MAPK10: variants seen among roughly 807,000 people sequenced by gnomAD.
MAPK10 encodes the protein JNK3 alpha protein kinase.
A neutral mutation model predicts 59.3 loss-of-function variants in MAPK10; 25 were observed. The observed-to-expected ratio is 0.42, with a 90% CI of 0.31 to 0.59. The LOEUF (loss-of-function observed/expected upper bound fraction) is 0.59, where lower values mean the gene tolerates loss of function less well. Among genes scored for constraint, MAPK10 ranks in the 20% least tolerant of loss-of-function variants. The pLI is 0.15. For missense variants in MAPK10, 351 were observed against 568.9 expected, an observed-to-expected ratio of 0.62 and a Z score of 3.90; for synonymous variants, 190 against 200.5, an observed-to-expected ratio of 0.95 and a Z score of 0.44.
chr4:86,273,524 A>G (rs920918581), intron 2 of MAPK10, among the ~76,000 whole-genome samples: 2 of 152,026 alleles, frequency 1.3e-5, no homozygotes, highest in Non-Finnish European at 2.9e-5. Flanking sequence ...TCCAGAGAAT[A>G]TACTTACCAC....
chr4:86,362,703 C>CA (rs762044836), upstream of MAPK10, among the ~76,000 whole-genome samples: 79 of 152,060 alleles, frequency 5.2e-4, 1 homozygote, highest in Non-Finnish European at 9.4e-4. Flanking sequence ...TATTATATAT[C>CA]ATTAGTCAGC....
chr4:86,021,174 C>T (rs1173930618), intron 13 of MAPK10, among the ~76,000 whole-genome samples: 1 of 152,142 alleles, frequency 6.6e-6, no homozygotes, highest in East Asian at 1.9e-4. Context: ...TTGAGCTAAA[C>T]ACAGGGTGCT....
intron 1 of MAPK10, among the ~76,000 whole-genome samples, chr4:86,445,300 T>A (rs1322053641): frequency 6.6e-6 from 1 of 152,178 alleles, no homozygotes; most frequent in Non-Finnish European, 1.5e-5. Flanking sequence ...GCCATTATCC[T>A]CAGCAAACTA....
chr4:86,052,656 C>T (rs761000983), intron 11 of MAPK10, among the ~76,000 whole-genome samples: 2 of 152,012 alleles, frequency 1.3e-5, no homozygotes, highest in Non-Finnish European at 1.5e-5. Context: ...ACATTTGTTA[C>T]GTTGAATCAT....
intron 3 of MAPK10, among the ~76,000 whole-genome samples, chr4:86,170,560 C>T (rs1051617043): frequency 2.6e-5 from 4 of 151,764 alleles, no homozygotes; most frequent in Non-Finnish European, 4.4e-5. Flanking sequence ...ACAGGAGCAC[C>T]CAGATTCATA....
intron 2 of MAPK10, among the ~76,000 whole-genome samples, chr4:86,350,735 C>T (rs573256138): frequency 4.6e-5 from 7 of 152,218 alleles, no homozygotes; most frequent in South Asian, 2.1e-4. Flanking sequence ...GGCAATTATA[C>T]GGTAACAACT....
chr4:86,234,551 T>G (rs2092005184), intron 2 of MAPK10, among the ~76,000 whole-genome samples: 1 of 152,112 alleles, frequency 6.6e-6, no homozygotes, highest in South Asian at 2.1e-4. Flanking sequence ...TAATAAATAC[T>G]ATATTAAAAT....
intron 2 of MAPK10, among the ~76,000 whole-genome samples, chr4:86,268,853 T>A (rs1056705902): frequency 1.3e-5 from 2 of 152,156 alleles, no homozygotes; most frequent in South Asian, 4.1e-4. Context: ...AATGAATGAA[T>A]AAGTGAATGA....
At chr4:86,401,120 A>G (rs1374518184) in intron 1 of MAPK10, among the ~76,000 whole-genome samples, 1 of 152,174 alleles carries the variant, frequency 6.6e-6, no homozygotes, top group East Asian at 1.9e-4. Flanking sequence ...TTAAAAATAT[A>G]TTGAAAGCAA....
chr4:86,384,431 C>T (rs916959882), intron 1 of MAPK10, among the ~76,000 whole-genome samples: 2 of 152,070 alleles, frequency 1.3e-5, no homozygotes, highest in African/African-American at 4.8e-5. Flanking sequence ...AAGTGAGGCC[C>T]ATAGGGTAGC....
intron 1 of MAPK10, among the ~76,000 whole-genome samples, chr4:86,576,372 A>T (rs886195893): frequency 1.3e-5 from 2 of 152,188 alleles, no homozygotes; most frequent in African/African-American, 2.4e-5. Flanking sequence ...GAACAGAGAT[A>T]CTAAACCGGG....
chr4:86,111,690 T>C (rs918897003), intron 4 of MAPK10, among the ~76,000 whole-genome samples: 1 of 152,092 alleles, frequency 6.6e-6, no homozygotes, highest in Non-Finnish European at 1.5e-5. Flanking sequence ...GAAGTTTTCT[T>C]TTTTTTGTTA....
intron 4 of MAPK10, among the ~76,000 whole-genome samples, chr4:86,115,400 C>G (rs4693136): frequency 0.18 from 27,981 of 151,922 alleles, 2,726 homozygotes; most frequent in African/African-American, 0.23. Flanking sequence ...AACCTGGATA[C>G]GTCAGTTGAT....
chr4:86,245,754 A>C (rs2148700020), intron 2 of MAPK10, among the ~76,000 whole-genome samples: 1 of 152,306 alleles, frequency 6.6e-6, no homozygotes, highest in East Asian at 1.9e-4. Flanking sequence ...TTGAAGTTTA[A>C]AATGCCTCTA....
At chr4:86,322,633 A>G (rs1188544555) in intron 2 of MAPK10, among the ~76,000 whole-genome samples, 2 of 152,204 alleles carry the variant, frequency 1.3e-5, no homozygotes, top group East Asian at 3.9e-4. Context: ...TCTGAGACTC[A>G]GCAGCAATAG....
intron 2 of MAPK10, among the ~76,000 whole-genome samples, chr4:86,257,163 A>C (rs2093779075): frequency 1.3e-5 from 2 of 152,194 alleles, no homozygotes; most frequent in African/African-American, 4.8e-5. Flanking sequence ...ATATATCTCC[A>C]ACCATAAATG....
At chr4:86,318,693 A>G (rs1391135752) in intron 2 of MAPK10, among the ~76,000 whole-genome samples, 1 of 152,180 alleles carries the variant, frequency 6.6e-6, no homozygotes, top group Non-Finnish European at 1.5e-5. Context: ...TACTGTGCCT[A>G]TGGTAGCACT....
At chr4:86,549,305 A>G (rs1759568224) in intron 1 of MAPK10, among the ~76,000 whole-genome samples, 2 of 152,194 alleles carry the variant, frequency 1.3e-5, no homozygotes, top group South Asian at 2.1e-4. Context: ...CATCATAGAG[A>G]GTACTTACAC....
intron 2 of MAPK10, among the ~76,000 whole-genome samples, chr4:86,227,530 C>G (rs919911012): frequency 6.6e-6 from 1 of 150,810 alleles, no homozygotes; most frequent in Non-Finnish European, 1.5e-5. Context: ...AGAAAAAAGA[C>G]GCATAGATGG....
Sources: gnomAD v4.1 joint callset for allele counts (sites outside exome capture counted in the v4.1 genomes callset) on GRCh38, gnomAD v4.1.1 for gene constraint, MANE v1.5 for transcripts, NCBI Gene and HGNC (gene_info 2026-07-23, HGNC 2026-07-21) for gene names.